Variants in MYO9A observed in about 807,000 individuals in gnomAD.
The protein encoded by MYO9A is myosin IXA, also known as unconventional myosin-IXa.
Under a neutral mutation model 293.3 loss-of-function variants are expected in MYO9A, and 103 were observed. The ratio of observed to expected loss-of-function variants is 0.35; its 90% CI spans 0.30 to 0.41. MYO9A has a LOEUF of 0.41. Ranked by LOEUF, MYO9A falls within the 10% of genes least tolerant of loss-of-function variation. The pLI, the probability that MYO9A is intolerant of heterozygous loss-of-function variation, is 1.00. For synonymous variants in MYO9A, 1,001 were observed against 1,035.7 expected (o/e 0.97, Z 0.64); for missense variants, 2,685 against 3,033.0 (o/e 0.89, Z 2.69).
At chr15:71,902,837 T>A (rs1214241683) in intron 22 of MYO9A, 104 bp downstream of exon 22, 1 of 920,492 alleles carries the variant, frequency 1.1e-6, no homozygotes, top group African/African-American at 1.7e-5. Flanking sequence ...TGTCTTCTGA[T>A]ATCTGATTCA....
intron 19 of MYO9A, among the ~76,000 whole-genome samples, chr15:71,913,328 GT>G: frequency 6.6e-6 from 1 of 152,000 alleles, no homozygotes; most frequent in South Asian, 2.1e-4. Context: ...CATATCTTCA[GT>G]TTTTTCATTT....
chr15:71,903,106 T>C, intron 21 of MYO9A, 43 bp from the exon 22 acceptor site: 1 of 1,505,586 alleles, frequency 6.6e-7, no homozygotes, highest in Non-Finnish European at 9.1e-7. Context: ...GAAAACAGTG[T>C]ATGTAAACAA....
intron 14 of MYO9A, among the ~76,000 whole-genome samples, chr15:71,956,656 T>C (rs534041871): frequency 3.3e-5 from 5 of 150,136 alleles, no homozygotes; most frequent in Non-Finnish European, 7.4e-5. Context: ...AAAAAATATA[T>C]ATATCTATAT....
At chr15:72,083,121 T>C (rs551210692) in intron 1 of MYO9A, among the ~76,000 whole-genome samples, 1 of 152,262 alleles carries the variant, frequency 6.6e-6, no homozygotes, top group South Asian at 2.1e-4. Context: ...GTATATCTGG[T>C]AGAATTTGGC....
chr15:71,947,798 C>CA (rs2058955559), intron 15 of MYO9A, among the ~76,000 whole-genome samples: 1 of 152,148 alleles, frequency 6.6e-6, no homozygotes, highest in Admixed American at 6.5e-5. Context: ...ATCATATTCT[C>CA]AATCATCCCA....
chr15:71,986,836 T>A (rs2076419342), intron 11 of MYO9A, among the ~76,000 whole-genome samples: 1 of 152,104 alleles, frequency 6.6e-6, no homozygotes, highest in South Asian at 2.1e-4. Context: ...ACAAAAAAAT[T>A]AATAAATTTA....
intron 3 of MYO9A, among the ~76,000 whole-genome samples, chr15:72,030,088 T>TG (rs1303304231): frequency 3.3e-5 from 5 of 152,202 alleles, no homozygotes; most frequent in African/African-American, 1.2e-4. Flanking sequence ...AGCTCAAATG[T>TG]GGGTTCTTTG....
intron 1 of MYO9A, among the ~76,000 whole-genome samples, chr15:72,053,317 A>G (rs2149820351): frequency 6.6e-6 from 1 of 152,230 alleles, no homozygotes; most frequent in African/African-American, 2.4e-5. Context: ...GAGGCAGGAG[A>G]ATCGCTTGAA....
At chr15:72,106,815 A>C (rs1343343266) in intron 1 of MYO9A, among the ~76,000 whole-genome samples, 1 of 152,124 alleles carries the variant, frequency 6.6e-6, no homozygotes, top group African/African-American at 2.4e-5. Context: ...AAATAAGTAG[A>C]CCTAACTGCA....
Position 72,103,220 on chromosome 15 carries a change from AAGCAGAAGCAGC to A in MYO9A, c.-72+14448_-72+14459del, listed in dbSNP as rs533248456. 5.4e-4 allele frequency among the ~76,000 whole-genome samples: 81 copies of A among 149,054 alleles called. No individual in the cohort carries two copies. The East Asian group carries it at 5.5e-3, about 10-fold the overall frequency. On this transcript the variant is annotated intron_variant, in intron 1 of 41. Coordinates refer to ENST00000356056, the MANE Select transcript of MYO9A (RefSeq NM_006901.4). ...CAAGAAAAAAAAAAAGCAGCAGCAG[AAGCAGAAGCAGC>A]AGCAGAAGCAGCAGCAGCAGAAGGA...
Position 71,826,374 on chromosome 15 carries a change from C to G in MYO9A, c.*206G>C. On this transcript the variant is annotated 3_prime_UTR_variant, in exon 42 of 42. Transcript: ENST00000356056. The stretch of plus-strand genomic sequence containing the variant: ...AAAATCTCAATTCAAATACAACAGC[C>G]AAGGCACAGCTGGCACCATCCCCAG... 1 of 550,578 alleles carries G rather than the reference C, an allele frequency of 1.8e-6. No individual in the cohort carries two copies. The highest frequency in any genetic ancestry group is 3.1e-6 in the Non-Finnish European group (1 of 322,592). The allele number at this position is 550,578 out of a possible 1,614,324, so 34.1% of individuals were successfully genotyped here.
intron 12 of MYO9A, among the ~76,000 whole-genome samples, chr15:71,974,695 T>C (rs935970112): frequency 6.6e-6 from 1 of 152,136 alleles, no homozygotes; most frequent in African/African-American, 2.4e-5. Context: ...CTTCACTCTA[T>C]CTAGCAAAAT....
chr15:71,967,112 A>G (rs1420953056), intron 13 of MYO9A, among the ~76,000 whole-genome samples: 1 of 152,250 alleles, frequency 6.6e-6, no homozygotes, highest in Admixed American at 6.5e-5. Flanking sequence ...AGAAGTGTTC[A>G]TGTATTCACA....
In MYO9A at chr15:71,824,429, A is replaced by G. The variant is rs1329119530; in HGVS notation, c.*2151T>C. ...TCTGGGCCACAGGAAATTATTCCAT[A>G]AGGGCAATCTCTTTTTTTCATACAG... On this transcript the variant is annotated 3_prime_UTR_variant, in exon 42 of 42. Coordinates refer to ENST00000356056, the MANE Select transcript of MYO9A (RefSeq NM_006901.4). 1.3e-5 allele frequency: 2 copies of G among 152,176 alleles called. No homozygotes were observed. The highest frequency in any genetic ancestry group is 3.9e-4 in the East Asian group (2 of 5,192). The allele number at this position is 152,176 out of a possible 1,614,324, so 9.4% of individuals were successfully genotyped here. A position where few individuals can be genotyped will look rare whatever the true frequency, so the allele number is the denominator to read the frequency against.
chr15:72,077,764 T>A (rs1312508150), intron 1 of MYO9A, among the ~76,000 whole-genome samples: 77 of 127,122 alleles, frequency 6.1e-4, no homozygotes, highest in Middle Eastern at 4.3e-3. Flanking sequence ...TATATATATA[T>A]ATATATATAT....
intron 2 of MYO9A, among the ~76,000 whole-genome samples, chr15:72,035,368 CG>C (rs35770840): frequency 0.21 from 31,173 of 151,862 alleles, 3,457 homozygotes; most frequent in East Asian, 0.41. Context: ...TTGAAAATAA[CG>C]AAATGTCCAC....
At chr15:72,085,194 A>T (rs147681247) in intron 1 of MYO9A, among the ~76,000 whole-genome samples, 219 of 152,244 alleles carry the variant, frequency 1.4e-3, no homozygotes, top group African/African-American at 4.6e-3. Flanking sequence ...AGAGATCGAG[A>T]CCAGCCTGGC....
intron 1 of MYO9A, among the ~76,000 whole-genome samples, chr15:72,091,583 T>C (rs773440020): frequency 6.6e-6 from 1 of 152,188 alleles, no homozygotes; most frequent in Non-Finnish European, 1.5e-5. Flanking sequence ...ACTCTCTCTC[T>C]CTGAGCCTTA....
intron 16 of MYO9A, among the ~76,000 whole-genome samples, chr15:71,938,200 T>C (rs2058686806): frequency 6.6e-6 from 1 of 152,132 alleles, no homozygotes; most frequent in Admixed American, 6.5e-5. Context: ...AATGAAGTTA[T>C]ACCTTCATTT....
Sources: gnomAD v4.1 joint callset for allele counts (sites outside exome capture counted in the v4.1 genomes callset) on GRCh38, gnomAD v4.1.1 for gene constraint, MANE v1.5 for transcripts, NCBI Gene and HGNC (gene_info 2026-07-23, HGNC 2026-07-21) for gene names.